Variants in GRM8 observed in about 807,000 individuals in gnomAD.
GRM8 encodes the protein metabotropic glutamate receptor 8.
In GRM8, 47 loss-of-function variants were observed where a neutral mutation model predicts 87.2. That is an observed-to-expected ratio of 0.54 (90% CI 0.43 to 0.69). GRM8 has a LOEUF of 0.69. Among genes scored for constraint, GRM8 ranks in the 30% least tolerant of loss-of-function variants. The pLI is 0.00. For synonymous variants in GRM8, 396 were observed against 404.5 expected, an observed-to-expected ratio of 0.98 and a Z score of 0.25; for missense variants, 1,019 against 1,139.2, an observed-to-expected ratio of 0.89 and a Z score of 1.52.
At chr7:126,527,383 T>C (rs1359945478) in intron 9 of GRM8, among the ~76,000 whole-genome samples, 1 of 151,908 alleles carries the variant, frequency 6.6e-6, no homozygotes, top group African/African-American at 2.4e-5. Flanking sequence ...GAAAAGAAAA[T>C]GGTATATAGT....
chr7:126,927,177 C>T (rs1352532215), intron 3 of GRM8, among the ~76,000 whole-genome samples: 1 of 152,006 alleles, frequency 6.6e-6, no homozygotes, highest in Non-Finnish European at 1.5e-5. Context: ...ACTCCATCAC[C>T]CAGGCTAGAA....
intron 2 of GRM8, among the ~76,000 whole-genome samples, chr7:127,177,576 A>G (rs1794187532): frequency 6.6e-6 from 1 of 152,210 alleles, no homozygotes; most frequent in African/African-American, 2.4e-5. Flanking sequence ...ACCAAAGCTA[A>G]GAACCCTCAC....
chr7:126,646,714 G>A (rs894534405), intron 7 of GRM8, among the ~76,000 whole-genome samples: 2 of 152,180 alleles, frequency 1.3e-5, no homozygotes, highest in Admixed American at 6.5e-5. Context: ...AATGAGGATA[G>A]CAATTATTTT....
At chr7:126,974,169 A>C (rs1031861829) in intron 3 of GRM8, among the ~76,000 whole-genome samples, 57 of 152,212 alleles carry the variant, frequency 3.7e-4, no homozygotes, top group African/African-American at 1.3e-3. Context: ...TTAGGCTTGG[A>C]TCCCATCCCC....
At chr7:126,631,191 A>G (rs1801217744) in intron 7 of GRM8, among the ~76,000 whole-genome samples, 1 of 152,180 alleles carries the variant, frequency 6.6e-6, no homozygotes, top group Non-Finnish European at 1.5e-5. Context: ...GCAAAGTCTC[A>G]TGATACAAAA....
chr7:127,131,291 A>G (rs576952855), intron 2 of GRM8, among the ~76,000 whole-genome samples: 2 of 152,356 alleles, frequency 1.3e-5, no homozygotes, highest in Admixed American at 6.5e-5. Context: ...CCAGAGTTAT[A>G]GAAAGTCACT....
intron 6 of GRM8, among the ~76,000 whole-genome samples, chr7:126,816,130 A>G (rs545493307): frequency 7.4e-4 from 112 of 151,454 alleles, no homozygotes; most frequent in Non-Finnish European, 8.0e-4. Context: ...TTTTGTCCCT[A>G]GTCTCAACTC....
intron 2 of GRM8, among the ~76,000 whole-genome samples, chr7:127,201,521 C>T (rs1216893551): frequency 6.6e-6 from 1 of 152,196 alleles, no homozygotes; most frequent in Admixed American, 6.5e-5. Context: ...AAAGTCATGA[C>T]AAACTCAGTG....
At chr7:126,496,276 G>T (rs1435180930) in intron 9 of GRM8, among the ~76,000 whole-genome samples, 2 of 151,844 alleles carry the variant, frequency 1.3e-5, no homozygotes, top group African/African-American at 4.8e-5. Flanking sequence ...AAGGAAGGAG[G>T]TAGGAGGGAA....
intron 3 of GRM8, among the ~76,000 whole-genome samples, chr7:127,021,611 C>T (rs1010567893): frequency 1.3e-5 from 2 of 151,858 alleles, no homozygotes; most frequent in Non-Finnish European, 2.9e-5. Flanking sequence ...TGTTTAATTA[C>T]ACCTAAATTA....
intron 2 of GRM8, among the ~76,000 whole-genome samples, chr7:127,216,535 CAA>C (rs796757040): frequency 8.6e-6 from 1 of 115,956 alleles, no homozygotes; most frequent in Admixed American, 9.2e-5. Context: ...AAAAAAAAAA[CAA>C]AAAAAAAAAA....
intron 6 of GRM8, among the ~76,000 whole-genome samples, chr7:126,840,387 T>C (rs1472155755): frequency 6.6e-6 from 1 of 152,210 alleles, no homozygotes; most frequent in East Asian, 1.9e-4. Flanking sequence ...TGTATTACAG[T>C]ATTTCATAAC....
chr7:127,112,903 A>T (rs376537475), intron 2 of GRM8, among the ~76,000 whole-genome samples: 8 of 152,216 alleles, frequency 5.3e-5, no homozygotes, highest in Non-Finnish European at 8.8e-5. Flanking sequence ...TTTCTAATCA[A>T]AGGTCAACAT....
At chr7:127,202,166 C>T (rs1795649211) in intron 2 of GRM8, among the ~76,000 whole-genome samples, 1 of 139,480 alleles carries the variant, frequency 7.2e-6, no homozygotes. Flanking sequence ...GATAACAGAA[C>T]TTTCTTTTCA....
At chr7:127,103,742 T>C (rs1825550663) in intron 3 of GRM8, among the ~76,000 whole-genome samples, 1 of 152,228 alleles carries the variant, frequency 6.6e-6, no homozygotes. Context: ...TATTTGCTGA[T>C]ACCAAATATG....
At chr7:126,726,655 T>C (rs1189642921) in intron 7 of GRM8, among the ~76,000 whole-genome samples, 1 of 152,164 alleles carries the variant, frequency 6.6e-6, no homozygotes, top group Non-Finnish European at 1.5e-5. Context: ...GAGTCCATTA[T>C]AATTCAGAAA....
chr7:126,936,292 C>A (rs933209134), intron 3 of GRM8, among the ~76,000 whole-genome samples: 4 of 152,058 alleles, frequency 2.6e-5, no homozygotes, highest in African/African-American at 9.7e-5. Flanking sequence ...AGCTGAGTAA[C>A]AGGACCTAGA....
At chr7:126,609,274 C>T in intron 8 of GRM8, 88 bp downstream of exon 8, 1 of 915,638 alleles carries the variant, frequency 1.1e-6, no homozygotes, top group Admixed American at 2.7e-5. Context: ...ATGGGGAAAA[C>T]CTATTCTAGC....
At chr7:127,039,362 C>T (rs1459415999) in intron 3 of GRM8, among the ~76,000 whole-genome samples, 1 of 152,100 alleles carries the variant, frequency 6.6e-6, no homozygotes, top group African/African-American at 2.4e-5. Context: ...GAGAAAAGAA[C>T]CATCTAAAAG....
Sources: gnomAD v4.1 joint callset for allele counts (sites outside exome capture counted in the v4.1 genomes callset) on GRCh38, gnomAD v4.1.1 for gene constraint, MANE v1.5 for transcripts, NCBI Gene and HGNC (gene_info 2026-07-23, HGNC 2026-07-21) for gene names.